IQUB: variants seen among roughly 807,000 people sequenced by gnomAD.
The protein encoded by IQUB is IQ motif and ubiquitin domain containing.
Under a neutral mutation model 86.4 loss-of-function variants are expected in IQUB, and 86 were observed. The observed-to-expected ratio is 1.00, with a 90% CI of 0.84 to 1.19. The LOEUF (loss-of-function observed/expected upper bound fraction) is 1.19. Among genes scored for constraint, IQUB ranks in the 50% most tolerant of loss-of-function variants. The pLI, the probability that IQUB is intolerant of heterozygous loss-of-function variation, is 0.00. For missense variants in IQUB, 946 were observed against 916.9 expected (o/e 1.03, Z -0.41); for synonymous variants, 289 against 304.5 (o/e 0.95, Z 0.53).
chr7:123,495,050 C>T (rs1041371830), intron 7 of IQUB, among the ~76,000 whole-genome samples: 1 of 152,060 alleles, frequency 6.6e-6, no homozygotes, highest in Non-Finnish European at 1.5e-5. Flanking sequence ...AGATACCTGG[C>T]TAACGATGTT....
intron 7 of IQUB, among the ~76,000 whole-genome samples, chr7:123,492,754 C>T (rs1795527749): frequency 6.6e-6 from 1 of 152,094 alleles, no homozygotes; most frequent in South Asian, 2.1e-4. Flanking sequence ...CTCTCCAGGC[C>T]TCTCAGATGA....
At chr7:123,462,888 G>A in intron 10 of IQUB, 1 of 452,396 alleles carries the variant, frequency 2.2e-6, no homozygotes, top group Non-Finnish European at 4.5e-6. Context: ...GATGACAGAG[G>A]GCTCCATTTA....
At chr7:123,519,467 T>C (rs1389212144) in intron 1 of IQUB, among the ~76,000 whole-genome samples, 1 of 152,028 alleles carries the variant, frequency 6.6e-6, no homozygotes, top group Non-Finnish European at 1.5e-5. Context: ...TATTAAGCCA[T>C]AAAAAAGAAT....
intron 1 of IQUB, among the ~76,000 whole-genome samples, chr7:123,524,260 T>G (rs1797067264): frequency 1.4e-5 from 2 of 142,464 alleles, no homozygotes; most frequent in South Asian, 4.5e-4. Context: ...GGTAGCTTGA[T>G]GGGGATGGCA....
intron 1 of IQUB, among the ~76,000 whole-genome samples, chr7:123,525,888 G>T (rs1436579587): frequency 4.8e-5 from 7 of 146,936 alleles, no homozygotes; most frequent in Admixed American, 6.9e-5. Context: ...TCCCAGAGAT[G>T]CTGGTATGTT....
chr7:123,482,916 T>G (rs956345546), intron 7 of IQUB, among the ~76,000 whole-genome samples: 1 of 152,080 alleles, frequency 6.6e-6, no homozygotes, highest in Non-Finnish European at 1.5e-5. Flanking sequence ...TCCACAGACA[T>G]GAAAGCAAAA....
chr7:123,526,127 T>C (rs1230464409), intron 1 of IQUB, among the ~76,000 whole-genome samples: 2 of 146,650 alleles, frequency 1.4e-5, no homozygotes, highest in African/African-American at 2.5e-5. Flanking sequence ...TCCAAGTATG[T>C]GGTCAATTTT....
chr7:123,466,446 A>G (rs1391446822), intron 9 of IQUB, among the ~76,000 whole-genome samples: 1 of 151,718 alleles, frequency 6.6e-6, no homozygotes, highest in Non-Finnish European at 1.5e-5. Context: ...TTTATTTCCT[A>G]CCTCTGGACC....
At position 123,512,196 on chromosome 7, in the gene IQUB, T is replaced by C. The variant is rs1422104315; in HGVS notation, c.145A>G (p.Ile49Val). ...SDQTEEHESGIEQFSESHAIH... is the reference protein window; with the variant it reads ...SDQTEEHESGVEQFSESHAIH... ...GCATGGCTCTCACTGAATTGTTCTA[T>C]TCCAGATTCATGCTCTTCAGTTTGA... The change falls in exon 2 of 13, where the codon ATA becomes GTA. Residue 49 changes from isoleucine to valine, a missense_variant. By Grantham distance (29) the Ile-to-Val change is conservative. Coordinates refer to ENST00000324698, the MANE Select transcript of IQUB (RefSeq NM_178827.5). 1 of 1,614,002 alleles carries C rather than the reference T, an allele frequency of 6.2e-7. No homozygotes were observed. The highest frequency in any genetic ancestry group is 1.7e-5 in the Admixed American group (1 of 60,006).
intron 8 of IQUB, among the ~76,000 whole-genome samples, chr7:123,479,288 A>C (rs559703903): frequency 6.6e-6 from 1 of 152,222 alleles, no homozygotes; most frequent in African/African-American, 2.4e-5. Flanking sequence ...TTTTTCCTTA[A>C]TTATATGTTT....
chr7:123,497,538 T>A (rs751444795), intron 6 of IQUB, among the ~76,000 whole-genome samples: 3 of 151,990 alleles, frequency 2.0e-5, no homozygotes, highest in Non-Finnish European at 4.4e-5. Context: ...AAGTACACCA[T>A]AGTACTAAAC....
chr7:123,476,498 C>G (rs1478533241), intron 8 of IQUB, among the ~76,000 whole-genome samples: 7 of 151,922 alleles, frequency 4.6e-5, no homozygotes, highest in Non-Finnish European at 1.0e-4. Flanking sequence ...GTGAGGTTTG[C>G]AAACATGAAA....
At chr7:123,490,051 T>A (rs1190796622) in intron 7 of IQUB, among the ~76,000 whole-genome samples, 1 of 151,934 alleles carries the variant, frequency 6.6e-6, no homozygotes, top group Non-Finnish European at 1.5e-5. Flanking sequence ...ACCATATTAA[T>A]AATCACATTA....
In IQUB at chr7:123,455,103, G is replaced by A. The variant is rs560771580; in HGVS notation, c.2194-2178C>T. 2.2e-3 allele frequency among the ~76,000 whole-genome samples: 327 copies of A among 151,840 alleles called. 2 individuals are homozygous for A. The highest frequency in any genetic ancestry group is 7.2e-3 in the African/African-American group (299 of 41,476). ...CCTCCCTTTATTTATTCATTCAGTC[G>A]TTTTTTAAATTTTTTAAATTGATAA... On this transcript the variant is annotated intron_variant, in intron 12 of 12. Transcript: ENST00000324698.
At chr7:123,462,277 A>C (rs931470376) in intron 10 of IQUB, among the ~76,000 whole-genome samples, 6 of 151,800 alleles carry the variant, frequency 4.0e-5, no homozygotes, top group African/African-American at 1.2e-4. Flanking sequence ...ATCAAGCAGC[A>C]ACAGAGTTTG....
intron 10 of IQUB, 123 bp from the exon 11 acceptor site, chr7:123,461,728 A>AGTT (rs746561793): frequency 3.1e-4 from 266 of 867,654 alleles, no homozygotes; most frequent in South Asian, 5.7e-4. Context: ...TAAAAAAAAA[A>AGTT]GTTGGCTAAT....
chr7:123,466,590 T>G (rs951892009), intron 9 of IQUB, among the ~76,000 whole-genome samples: 1 of 152,156 alleles, frequency 6.6e-6, no homozygotes, highest in Non-Finnish European at 1.5e-5. Context: ...GGAAGAACCA[T>G]TTACCCAATT....
At chr7:123,495,211 G>A (rs1462849970) in intron 7 of IQUB, among the ~76,000 whole-genome samples, 3 of 151,960 alleles carry the variant, frequency 2.0e-5, no homozygotes, top group East Asian at 3.9e-4. Flanking sequence ...TAGGGAGCAG[G>A]CTTAACAGTT....
chr7:123,498,893 T>C (rs1474411), intron 6 of IQUB, among the ~76,000 whole-genome samples: 124,032 of 152,152 alleles, frequency 0.82, 50,605 homozygotes, highest in African/African-American at 0.84. Context: ...TAAAGCTTTA[T>C]TACAATAGGA....
Sources: gnomAD v4.1 joint callset for allele counts (sites outside exome capture counted in the v4.1 genomes callset) on GRCh38, gnomAD v4.1.1 for gene constraint, MANE v1.5 for transcripts, NCBI Gene and HGNC (gene_info 2026-07-23, HGNC 2026-07-21) for gene names.